IPO9: variants seen among roughly 807,000 people sequenced by gnomAD.
IPO9 encodes importin 9, also known as importin-9.
In IPO9, 28 loss-of-function variants were observed where a neutral mutation model predicts 128.6. The observed-to-expected ratio is 0.22, with a 90% CI of 0.16 to 0.30. IPO9 has a LOEUF of 0.30. Among genes scored for constraint, IPO9 ranks in the 10% least tolerant of loss-of-function variants. IPO9 has a pLI of 1.00. For missense variants in IPO9, 935 were observed against 1,293.9 expected, an observed-to-expected ratio of 0.72 and a Z score of 4.26; for synonymous variants, 455 against 475.8, an observed-to-expected ratio of 0.96 and a Z score of 0.57.
chr1:201,866,824 C>G lies in IPO9; in HGVS notation c.1720C>G (p.Gln574Glu). 6.2e-7 allele frequency: 1 copy of G among 1,614,138 alleles called. No individual in the cohort carries two copies. The highest frequency in any genetic ancestry group is 8.5e-7 in the Non-Finnish European group (1 of 1,180,030). ...ILDGLIHLAA[Q>E]FSSEVLNLVM... ...TGATGGCTTAATTCACCTAGCAGCCCAGTTCAGCTCAGAGGTCCTCAACCT... is the reference window on the plus strand; with the variant it reads ...TGATGGCTTAATTCACCTAGCAGCCGAGTTCAGCTCAGAGGTCCTCAACCT... The change falls in exon 15 of 24, where the codon CAG becomes GAG. Residue 574 changes from glutamine to glutamate, a missense_variant. Around this residue, in one of 3 missense-constraint regions of IPO9, gnomAD observed 741 missense variants for 1,019.1 expected, o/e 0.73. Transcript: ENST00000361565.
chr1:201,851,009 G>A (rs1180766855), intron 4 of IPO9, among the ~76,000 whole-genome samples: 2 of 151,494 alleles, frequency 1.3e-5, no homozygotes, highest in Non-Finnish European at 2.9e-5. Context: ...TTTATTTTTA[G>A]TTTTATTTAT....
rs375241905 is a variant in IPO9 at position 201,854,622 on chromosome 1, G to A, written c.718G>A (p.Val240Met). Reference protein sequence around the residue: ...KGAAKVLIFPVVQQFTEAFVQ... With the variant: ...KGAAKVLIFPMVQQFTEAFVQ... ...TGCAGCCAAAGTCCTGATCTTTCCC[G>A]TGGTACAGCAGTTCACAGAGGCCTT... The change falls in exon 7 of 24, where the codon GTG becomes ATG. Residue 240 changes from valine (V) to methionine (M), a missense_variant. Val to Met is a conservative substitution (Grantham distance 21). Coordinates refer to ENST00000361565, the MANE Select transcript of IPO9 (RefSeq NM_018085.5). 26 of 1,613,950 alleles carry A rather than the reference G, an allele frequency of 1.6e-5. No individual in the cohort carries two copies. The highest frequency in any genetic ancestry group is 6.6e-5 in the South Asian group (6 of 91,074).
Position 201,870,459 on chromosome 1 carries a change from A to C in IPO9, c.2134-124A>C. 1 of 1,085,056 alleles carries C rather than the reference A, an allele frequency of 9.2e-7. No individual in the cohort carries two copies. The highest frequency in any genetic ancestry group is 1.3e-6 in the Non-Finnish European group (1 of 773,978). The allele number at this position is 1,085,056 out of a possible 1,614,324, so 67.2% of individuals were successfully genotyped here. ...ACTCCAGTGGTATGAGCCCACCACA[A>C]ACATTATAGACTCACCGCTTTTATG... On this transcript the variant is annotated intron_variant, in intron 17 of 23. Coordinates refer to ENST00000361565, the MANE Select transcript of IPO9 (RefSeq NM_018085.5). The surrounding 1 kb of genome is among the most constrained non-coding windows in gnomAD (Gnocchi z 4.9).
In IPO9 at chr1:201,855,846, A is replaced by G; in HGVS notation, c.1034A>G (p.Glu345Gly). 1 of 1,612,900 alleles carries G rather than the reference A, an allele frequency of 6.2e-7. No homozygotes were observed. The highest frequency in any genetic ancestry group is 8.5e-7 in the Non-Finnish European group (1 of 1,179,682). ...TTTGAATTTGTCCATGCTCTACTAG[A>G]AAATAGCAAATTCAAAAGCACTGTT... ...SIFEFVHALLENSKFKSTVKK... is the reference protein window; with the variant it reads ...SIFEFVHALLGNSKFKSTVKK... The change falls in exon 10 of 24, where the codon GAA (glutamate) becomes GGA (glycine). Residue 345 changes from glutamate (E) to glycine (G), a missense_variant. Glu to Gly is a moderately conservative substitution (Grantham distance 98). Coordinates refer to ENST00000361565, the MANE Select transcript of IPO9 (RefSeq NM_018085.5).
In IPO9 at chr1:201,878,047, C is replaced by T. The variant is rs575266231; in HGVS notation, c.*1993C>T. ...CTAGGTGTCCCCAGTGTTCAACCTC[C>T]ATGACTGAGATTGGAAGAAGTAGAG... On this transcript the variant is annotated 3_prime_UTR_variant, in exon 24 of 24. Transcript: ENST00000361565. The T allele has an allele frequency of 6.6e-6, 1 of 152,318 alleles. No homozygotes were observed. Among genetic ancestry groups the T allele is most frequent in the East Asian group, 1.9e-4 (1 of 5,186 alleles). 9.4% of individuals were successfully genotyped at this position (152,318 alleles called of 1,614,324 possible).
intron 22 of IPO9, 78 bp from the exon 23 acceptor site, chr1:201,875,074 A>G: frequency 7.1e-7 from 1 of 1,411,100 alleles, no homozygotes; most frequent in Non-Finnish European, 1.0e-6. Flanking sequence ...CGCCTCAGTC[A>G]TGTGGTAGTA....
rs1428930083 is a variant in IPO9 at position 201,881,048 on chromosome 1, A to G, written c.*4994A>G. ...GTAGCCCCATTATAAGCTGAAAAGC[A>G]TCTGTAGTATAATAAATGTGGGGAG... On this transcript the variant is annotated 3_prime_UTR_variant, in exon 24 of 24. Coordinates refer to ENST00000361565, the MANE Select transcript of IPO9 (RefSeq NM_018085.5). 6.6e-6 allele frequency: 1 copy of G among 152,198 alleles called. No individual in the cohort carries two copies. The highest frequency in any genetic ancestry group is 6.5e-5 in the Admixed American group (1 of 15,276). 9.4% of individuals were successfully genotyped at this position (152,198 alleles called of 1,614,324 possible). A position where few individuals can be genotyped will look rare whatever the true frequency, so the allele number is the denominator to read the frequency against.
Position 201,868,699 on chromosome 1 carries a change from T to A in IPO9, c.1907T>A (p.Ile636Asn). Residue 636 changes from isoleucine (I) to asparagine (N), a missense_variant, in exon 16 of 24, where the codon ATT becomes AAT. Transcript: ENST00000361565. ...AQDIFKELSQ[I>N]EACQGPMQMR... Reference sequence around the variant, plus strand: ...GACATCTTCAAGGAGCTGTCCCAGATTGAAGCCTGTCAGGGCCCAATGCAA... The same window carrying A: ...GACATCTTCAAGGAGCTGTCCCAGAATGAAGCCTGTCAGGGCCCAATGCAA... 1.2e-6 allele frequency: 2 copies of A among 1,614,058 alleles called. No individual in the cohort carries two copies. The highest frequency in any genetic ancestry group is 1.7e-6 in the Non-Finnish European group (2 of 1,179,988).
intron 19 of IPO9, 151 bp from the exon 20 acceptor site, chr1:201,872,677 C>A: frequency 1.2e-6 from 1 of 808,872 alleles, no homozygotes; most frequent in South Asian, 2.2e-5. Context: ...TCTAAAATCT[C>A]ATTTTCAGCT....
At chr1:201,848,658 A>C in intron 4 of IPO9, 64 bp downstream of exon 4, 1 of 1,523,028 alleles carries the variant, frequency 6.6e-7, no homozygotes, top group Non-Finnish European at 9.1e-7. Context: ...TATTACCAGA[A>C]GCTATGTGAT....
At position 201,879,549 on chromosome 1, in the gene IPO9, T is replaced by C. The variant is rs1015548621; in HGVS notation, c.*3495T>C. The stretch of plus-strand genomic sequence containing the variant: ...AGTAAATTAGGAGTGCTGATCAAAT[T>C]TTTAGATAATAAGAAACCCTTAGGA... On this transcript the variant is annotated 3_prime_UTR_variant, in exon 24 of 24. Transcript: ENST00000361565. 3.3e-5 allele frequency: 5 copies of C among 152,152 alleles called. No individual in the cohort carries two copies. The highest frequency in any genetic ancestry group is 2.6e-4 in the Admixed American group (4 of 15,270). The allele number at this position is 152,152 out of a possible 1,614,324, so 9.4% of individuals were successfully genotyped here.
Position 201,829,285 on chromosome 1 carries a change from G to A in IPO9, c.76G>A (p.Val26Met). Residue 26 changes from valine (V) to methionine (M), a missense_variant, in exon 1 of 24, where the codon GTG becomes ATG. By Grantham distance (21) the Val-to-Met change is conservative. This residue lies in a region of IPO9 where 741 missense variants were observed against 1,019.1 expected (regional missense o/e 0.73). Coordinates refer to ENST00000361565, the MANE Select transcript of IPO9 (RefSeq NM_018085.5). ...GGCACAAGGATTAAAGGAAGCGTTAGTGGATACGCTCACCGGGATCCTATC... is the reference window on the plus strand; with the variant it reads ...GGCACAAGGATTAAAGGAAGCGTTAATGGATACGCTCACCGGGATCCTATC... ...PVAQGLKEAL[V>M]DTLTGILSPV... 1 of 1,602,106 alleles carries A rather than the reference G, an allele frequency of 6.2e-7. No individual in the cohort carries two copies. The highest frequency in any genetic ancestry group is 8.5e-7 in the Non-Finnish European group (1 of 1,175,364).
chr1:201,829,489 G>A (rs1369232896), intron 1 of IPO9, 117 bp downstream of exon 1: 2 of 1,080,792 alleles, frequency 1.9e-6, no homozygotes, highest in Admixed American at 3.8e-5. Flanking sequence ...GCGCCGAGAA[G>A]TGGAGCAGGA....
intron 13 of IPO9, 53 bp downstream of exon 13, chr1:201,859,047 G>GT: frequency 6.4e-7 from 1 of 1,567,844 alleles, no homozygotes; most frequent in Non-Finnish European, 8.7e-7. Context: ...CTGTTGTGGG[G>GT]TTGGGGGAGG....
Position 201,876,266 on chromosome 1 carries a change from C to A in IPO9, c.*212C>A. The A allele has an allele frequency of 1.5e-6, 1 of 685,164 alleles. No individual in the cohort carries two copies. The highest frequency in any genetic ancestry group is 1.5e-5 in the South Asian group (1 of 65,450). 42.4% of individuals were successfully genotyped at this position (685,164 alleles called of 1,614,324 possible). A position where few individuals can be genotyped will look rare whatever the true frequency, so the allele number is the denominator to read the frequency against. Reference sequence around the variant, plus strand: ...GAACAAAGGACATTTCTCAAAGTTCCCCTGAAGACATGCCATCTCTAGAAC... The same window carrying A: ...GAACAAAGGACATTTCTCAAAGTTCACCTGAAGACATGCCATCTCTAGAAC... On this transcript the variant is annotated 3_prime_UTR_variant, in exon 24 of 24. Transcript: ENST00000361565.
At chr1:201,846,725 A>C (rs766351797) in intron 1 of IPO9, among the ~76,000 whole-genome samples, 2 of 151,886 alleles carry the variant, frequency 1.3e-5, no homozygotes, top group Non-Finnish European at 2.9e-5. Flanking sequence ...GCTGGAGTAC[A>C]ATGGTGCGAT....
chr1:201,877,660 A>G lies in IPO9; in HGVS notation c.*1606A>G, dbSNP rs1680790826. On this transcript the variant is annotated 3_prime_UTR_variant, in exon 24 of 24. Transcript: ENST00000361565. ...GAATATAGGCTGGGCGTGGTGTGTC[A>G]CACCTGTAATCCCAGCACTTACGGA... 1 of 152,180 alleles carries G rather than the reference A, an allele frequency of 6.6e-6. No individual in the cohort carries two copies. The highest frequency in any genetic ancestry group is 6.5e-5 in the Admixed American group (1 of 15,280). 9.4% of individuals were successfully genotyped at this position (152,180 alleles called of 1,614,324 possible). A position where few individuals can be genotyped will look rare whatever the true frequency, so the allele number is the denominator to read the frequency against.
rs1571558818 is a variant in IPO9 at position 201,875,513 on chromosome 1, C to T, written c.3015+285C>T. ...GCTGAGGTGGGAGGATCGCTTGAGG[C>T]CAAGAGGTCAAGGCTGCAGTGAGCT... On this transcript the variant is annotated intron_variant, in intron 23 of 23. Coordinates refer to ENST00000361565, the MANE Select transcript of IPO9 (RefSeq NM_018085.5). Among the ~76,000 whole-genome samples the T allele has an allele frequency of 2.0e-5, 3 of 151,988 alleles. No individual in the cohort carries two copies. The highest frequency in any genetic ancestry group is 7.2e-5 in the African/African-American group (3 of 41,430).
At position 201,881,080 on chromosome 1, in the gene IPO9, G is replaced by C. The variant is rs1680875382; in HGVS notation, c.*5026G>C. ...GTATAATAAATGTGGGGAGTGCTGT[G>C]AGAGAAATAAGTGTACTGGGTTTAG... On this transcript the variant is annotated 3_prime_UTR_variant, in exon 24 of 24. Coordinates refer to ENST00000361565, the MANE Select transcript of IPO9 (RefSeq NM_018085.5). The C allele has an allele frequency of 6.6e-6, 1 of 152,188 alleles. No homozygotes were observed. Among genetic ancestry groups the C allele is most frequent in the African/African-American group, 2.4e-5 (1 of 41,428 alleles). The allele number at this position is 152,188 out of a possible 1,614,324, so 9.4% of individuals were successfully genotyped here.
Sources: allele counts gnomAD v4.1 joint callset (sites outside exome capture counted in the v4.1 genomes callset), GRCh38; gene constraint gnomAD v4.1.1; regional missense constraint gnomAD v4.1.1; non-coding constraint Gnocchi (gnomAD v3.1); transcripts MANE v1.5; gene names NCBI Gene and HGNC (gene_info 2026-07-23, HGNC 2026-07-21).